SGPP2: variants seen among roughly 807,000 people sequenced by gnomAD.
SGPP2 encodes sphingosine-1-phosphate phosphatase 2.
A neutral mutation model predicts 33.9 loss-of-function variants in SGPP2; 30 were observed. The observed-to-expected ratio is 0.89, with a 90% CI of 0.66 to 1.20. SGPP2 has a LOEUF of 1.20. Among genes scored for constraint, SGPP2 ranks in the 50% most tolerant of loss-of-function variants. The pLI is 0.00. For missense variants in SGPP2, 458 were observed against 532.1 expected, an observed-to-expected ratio of 0.86 and a Z score of 1.37; for synonymous variants, 233 against 225.0, an observed-to-expected ratio of 1.04 and a Z score of -0.32.
Position 222,474,982 on chromosome 2 carries a change from C to G in SGPP2, c.378+256C>G, listed in dbSNP as rs569852691. On this transcript the variant is annotated intron_variant, in intron 2 of 4. Transcript: ENST00000321276. ...TCCTTTAATGATGCCTACATCTTTGCAGAATTCAGGACTCTCCCAAAATTC... is the reference window on the plus strand; with the variant it reads ...TCCTTTAATGATGCCTACATCTTTGGAGAATTCAGGACTCTCCCAAAATTC... 8.0e-4 allele frequency among the ~76,000 whole-genome samples: 122 copies of G among 152,222 alleles called. 5 individuals carry two copies. The South Asian group carries it at 0.025, about 31-fold the overall frequency.
intron 4 of SGPP2, among the ~76,000 whole-genome samples, chr2:222,543,014 C>A (rs1043187848): frequency 6.6e-6 from 1 of 152,054 alleles, no homozygotes; most frequent in Non-Finnish European, 1.5e-5. Flanking sequence ...TGGAGCTTTT[C>A]CTACTCTGTA....
intron 1 of SGPP2, among the ~76,000 whole-genome samples, chr2:222,448,964 G>A (rs1031147241): frequency 2.6e-5 from 4 of 152,190 alleles, no homozygotes; most frequent in Admixed American, 6.5e-5. Flanking sequence ...CGAGTAAGAG[G>A]AAATGGGTTT....
intron 2 of SGPP2, among the ~76,000 whole-genome samples, chr2:222,486,937 T>G (rs1363893714): frequency 6.6e-6 from 1 of 152,192 alleles, no homozygotes; most frequent in Admixed American, 6.5e-5. Flanking sequence ...TTTTAAAAAT[T>G]AAAATTTTTT....
intron 2 of SGPP2, among the ~76,000 whole-genome samples, chr2:222,482,208 A>T (rs539503923): frequency 6.6e-6 from 1 of 152,314 alleles, no homozygotes; most frequent in African/African-American, 2.4e-5. Flanking sequence ...ACAGAGACCC[A>T]CTCAAGCTAA....
chr2:222,551,772 A>T (rs1194709289), intron 4 of SGPP2, among the ~76,000 whole-genome samples: 1 of 152,226 alleles, frequency 6.6e-6, no homozygotes, highest in African/African-American at 2.4e-5. Context: ...TTTCAACCAG[A>T]TGTCTGAGAA....
intron 2 of SGPP2, among the ~76,000 whole-genome samples, chr2:222,485,794 G>A (rs1333230408): frequency 1.3e-5 from 2 of 152,180 alleles, no homozygotes; most frequent in African/African-American, 4.8e-5. Context: ...CTCTCCTGTC[G>A]CATTTGAGGG....
At chr2:222,508,826 T>C (rs1377480770) in intron 2 of SGPP2, among the ~76,000 whole-genome samples, 1 of 152,234 alleles carries the variant, frequency 6.6e-6, no homozygotes, top group African/African-American at 2.4e-5. Context: ...TGATTTATGG[T>C]GCTTGCTTTG....
chr2:222,560,083 G>A lies in SGPP2; in HGVS notation c.*1185G>A, dbSNP rs934468899. The A allele has an allele frequency of 5.9e-5, 9 of 152,326 alleles. No homozygotes were observed. The highest frequency in any genetic ancestry group is 1.0e-4 in the Non-Finnish European group (7 of 68,130). 9.4% of individuals were successfully genotyped at this position (152,326 alleles called of 1,614,324 possible). A position where few individuals can be genotyped will look rare whatever the true frequency, so the allele number is the denominator to read the frequency against. On this transcript the variant is annotated 3_prime_UTR_variant, in exon 5 of 5. Coordinates refer to ENST00000321276, the MANE Select transcript of SGPP2 (RefSeq NM_152386.4). ...TTCACTGAGATTCCTGCCCTCTCCT[G>A]CTTCCTAGTGGTTTGGGACAGGCCC...
intron 1 of SGPP2, among the ~76,000 whole-genome samples, chr2:222,472,678 A>G (rs950473069): frequency 2.6e-5 from 4 of 152,190 alleles, no homozygotes; most frequent in African/African-American, 9.7e-5. Flanking sequence ...GTGGCCTTTC[A>G]TTAGTCTTAC....
intron 2 of SGPP2, among the ~76,000 whole-genome samples, chr2:222,503,046 G>A (rs1171177580): frequency 1.3e-5 from 2 of 152,118 alleles, no homozygotes; most frequent in African/African-American, 4.8e-5. Context: ...CCCATTCTGA[G>A]GACATCACCT....
chr2:222,493,499 G>A (rs1403647965), intron 2 of SGPP2, among the ~76,000 whole-genome samples: 2 of 152,158 alleles, frequency 1.3e-5, no homozygotes, highest in Non-Finnish European at 2.9e-5. Context: ...AGATTTGAGT[G>A]AGGACAAAGG....
At chr2:222,446,054 A>C (rs771624113) in intron 1 of SGPP2, among the ~76,000 whole-genome samples, 1 of 152,224 alleles carries the variant, frequency 6.6e-6, no homozygotes, top group Non-Finnish European at 1.5e-5. Context: ...ACGAGTAGAA[A>C]TAAAGTCATG....
At chr2:222,462,596 T>C (rs1697679946) in intron 1 of SGPP2, among the ~76,000 whole-genome samples, 1 of 152,128 alleles carries the variant, frequency 6.6e-6, no homozygotes, top group South Asian at 2.1e-4. Flanking sequence ...CACAATGTAA[T>C]AATGCTTTAA....
At chr2:222,529,969 A>G (rs1376694729) in intron 4 of SGPP2, among the ~76,000 whole-genome samples, 1 of 152,230 alleles carries the variant, frequency 6.6e-6, no homozygotes, top group African/African-American at 2.4e-5. Flanking sequence ...TGTGTTTAGC[A>G]GGCCTGAAAA....
intron 1 of SGPP2, among the ~76,000 whole-genome samples, chr2:222,445,929 G>T (rs1286035286): frequency 6.6e-6 from 1 of 152,192 alleles, no homozygotes; most frequent in Admixed American, 6.5e-5. Context: ...GGTTCAGATT[G>T]TCAGAAGAGT....
At chr2:222,435,300 A>G (rs1352930443) in intron 1 of SGPP2, among the ~76,000 whole-genome samples, 1 of 152,106 alleles carries the variant, frequency 6.6e-6, no homozygotes, top group Non-Finnish European at 1.5e-5. Flanking sequence ...GCCTGCTTAT[A>G]TTCTAGCTGA....
intron 2 of SGPP2, among the ~76,000 whole-genome samples, chr2:222,509,805 A>G (rs907601487): frequency 6.6e-6 from 1 of 152,206 alleles, no homozygotes; most frequent in Non-Finnish European, 1.5e-5. Context: ...AAAGTATACA[A>G]TTCAGCATAT....
chr2:222,550,264 T>G lies in SGPP2; in HGVS notation c.649-8083T>G, dbSNP rs1689269885. On this transcript the variant is annotated intron_variant, in intron 4 of 4. Coordinates refer to ENST00000321276, the MANE Select transcript of SGPP2 (RefSeq NM_152386.4). This position sits in a 1 kb window ranked among gnomAD's most constrained non-coding sequence, Gnocchi z 4.5. ...AGATTCTTAGGGATATTTCTTTTTT[T>G]GGCATGATGTGAAAATTATAAACAA... is the stretch of plus-strand genomic sequence containing the variant. 6.6e-6 allele frequency among the ~76,000 whole-genome samples: 1 copy of G among 152,222 alleles called. No individual in the cohort carries two copies. Among genetic ancestry groups the G allele is most frequent in the African/African-American group, 2.4e-5 (1 of 41,458 alleles).
chr2:222,457,693 C>T (rs767294484), intron 1 of SGPP2, among the ~76,000 whole-genome samples: 23 of 152,208 alleles, frequency 1.5e-4, no homozygotes, highest in African/African-American at 2.2e-4. Context: ...AGCCTGTCTA[C>T]TGTCTAGGAC....
Sources: allele counts gnomAD v4.1 joint callset (sites outside exome capture counted in the v4.1 genomes callset), GRCh38; gene constraint gnomAD v4.1.1; non-coding constraint Gnocchi (gnomAD v3.1); transcripts MANE v1.5; gene names NCBI Gene and HGNC (gene_info 2026-07-23, HGNC 2026-07-21).